CNTNAP3B: variants seen among roughly 807,000 people sequenced by gnomAD.
CNTNAP3B encodes contactin associated protein family member 3B, also known as contactin-associated protein-like 3B.
CNTNAP3B carries 25 observed loss-of-function variants against 108.9 expected under a neutral mutation model. The ratio of observed to expected loss-of-function variants is 0.23; its 90% CI spans 0.17 to 0.32. The LOEUF is 0.32. CNTNAP3B is among the 10% of genes least tolerant of loss of function. The pLI is 1.00. For missense variants in CNTNAP3B, 252 were observed against 1,210.4 expected (o/e 0.21, Z 11.75); for synonymous variants, 103 against 473.4 (o/e 0.22, Z 10.16).
rs1197463777 is a variant in CNTNAP3B at position 42,117,973 on chromosome 9, C to A, written c.85+11037G>T. On this transcript the variant is annotated intron_variant, in intron 1 of 23. Transcript: ENST00000377561. ...CACATACATCCTCCCAAGACTAAACCAGGAAAAAGTTGAATCTCTGAATAG... is the reference window on the plus strand; with the variant it reads ...CACATACATCCTCCCAAGACTAAACAAGGAAAAAGTTGAATCTCTGAATAG... 5.0e-4 allele frequency among the ~76,000 whole-genome samples: 68 copies of A among 136,102 alleles called. 14 individuals are homozygous for A. Among genetic ancestry groups the A allele is most frequent in the African/African-American group, 1.9e-3 (66 of 34,200 alleles). The allele number at this position is 136,102 out of a possible 152,430, so 89.3% of individuals were successfully genotyped here.
rs1430662404 is a variant in CNTNAP3B at position 42,093,110 on chromosome 9, G to T, written c.196+11519C>A. Among the ~76,000 whole-genome samples, 2 of 97,280 alleles carry T rather than the reference G, an allele frequency of 2.1e-5. 1 individual carries two copies. The highest frequency in any genetic ancestry group is 4.4e-5 in the Non-Finnish European group (2 of 45,798). 63.8% of individuals were successfully genotyped at this position (97,280 alleles called of 152,430 possible). A position where few individuals can be genotyped will look rare whatever the true frequency, so the allele number is the denominator to read the frequency against. ...ACCTGTAATCCCAGCACTTTGGGAG[G>T]CCAAGGTGGCCGAGGCGGATCACGA... is the stretch of plus-strand genomic sequence containing the variant. On this transcript the variant is annotated intron_variant, in intron 2 of 23. Transcript: ENST00000377561.
chr9:41,999,600 T>C (rs140403083), intron 4 of CNTNAP3B, among the ~76,000 whole-genome samples: 49,784 of 112,674 alleles, frequency 0.44, 14,056 homozygotes, highest in East Asian at 0.71. Context: ...GTTCTGTTTC[T>C]CTGGAGAGCC....
chr9:42,041,388 C>T (rs987881734), intron 3 of CNTNAP3B, among the ~76,000 whole-genome samples: 1 of 151,598 alleles, frequency 6.6e-6, no homozygotes, highest in African/African-American at 2.4e-5. Flanking sequence ...AACAAATTTA[C>T]AAGAAAGAAT....
At chr9:41,967,454 A>G (rs1260634250) in intron 10 of CNTNAP3B, among the ~76,000 whole-genome samples, 7 of 151,876 alleles carry the variant, frequency 4.6e-5, no homozygotes, top group Non-Finnish European at 8.8e-5. Flanking sequence ...CTGTGAATCC[A>G]TTAAGCCTTT....
At chr9:41,941,260 C>T (rs202199046) in intron 13 of CNTNAP3B, among the ~76,000 whole-genome samples, 7,399 of 104,768 alleles carry the variant, frequency 0.071, 19 homozygotes, top group South Asian at 0.14. Context: ...AAGTTAGATG[C>T]TGGCAGAATC....
intron 2 of CNTNAP3B, among the ~76,000 whole-genome samples, chr9:42,094,642 G>A (rs1587267339): frequency 8.5e-6 from 1 of 118,214 alleles, no homozygotes; most frequent in Non-Finnish European, 1.7e-5. Flanking sequence ...GGGCAACAGA[G>A]CAAGACTGTG....
intron 3 of CNTNAP3B, among the ~76,000 whole-genome samples, chr9:42,030,374 T>A: frequency 3.6e-5 from 1 of 27,708 alleles, no homozygotes; most frequent in Non-Finnish European, 6.3e-5. Context: ...CTGTCTCCCA[T>A]GACACTCAGG....
chr9:41,920,727 G>A (rs1371408115), intron 17 of CNTNAP3B, among the ~76,000 whole-genome samples: 1 of 152,420 alleles, frequency 6.6e-6, no homozygotes, highest in South Asian at 2.1e-4. Context: ...ATAATGGTTA[G>A]GTATGAACTT....
intron 13 of CNTNAP3B, among the ~76,000 whole-genome samples, chr9:41,945,607 G>A (rs1435616482): frequency 6.6e-6 from 1 of 152,304 alleles, no homozygotes; most frequent in Non-Finnish European, 1.5e-5. Flanking sequence ...CACACACCGG[G>A]GCCTGTCATG....
intron 13 of CNTNAP3B, among the ~76,000 whole-genome samples, chr9:41,950,048 C>T (rs937221392): frequency 1.5e-4 from 19 of 123,130 alleles, no homozygotes; most frequent in Admixed American, 3.4e-4. Flanking sequence ...CAAATCCAAA[C>T]AATCCAATTA....
At chr9:42,064,860 G>A (rs1411699072) in intron 3 of CNTNAP3B, among the ~76,000 whole-genome samples, 1 of 147,890 alleles carries the variant, frequency 6.8e-6, no homozygotes, top group African/African-American at 2.6e-5. Flanking sequence ...ATCCACTACT[G>A]ATAAGCACCA....
At chr9:41,932,645 G>C (rs1313195991) in intron 14 of CNTNAP3B, among the ~76,000 whole-genome samples, 1 of 152,050 alleles carries the variant, frequency 6.6e-6, no homozygotes, top group African/African-American at 2.4e-5. Flanking sequence ...TCAGCCTCCA[G>C]AGTAGCTGGG....
At chr9:42,054,115 TTC>T (rs1827011051) in intron 3 of CNTNAP3B, among the ~76,000 whole-genome samples, 1 of 134,132 alleles carries the variant, frequency 7.5e-6, no homozygotes, top group Non-Finnish European at 1.6e-5. Flanking sequence ...TTACCCATTG[TTC>T]AGTCTACTTT....
rs1263643128 is a variant in CNTNAP3B at position 42,095,433 on chromosome 9, G to T, written c.196+9196C>A. 4.3e-5 allele frequency among the ~76,000 whole-genome samples: 6 copies of T among 138,928 alleles called. 2 individuals carry two copies. The highest frequency in any genetic ancestry group is 1.2e-4 in the African/African-American group (4 of 34,688). 91.1% of individuals were successfully genotyped at this position (138,928 alleles called of 152,430 possible). ...CGTGGGGAAAATGTAAAACTCTTTT[G>T]GTGCAAGCATTCTGCATCATGTTTC... On this transcript the variant is annotated intron_variant, in intron 2 of 23. Transcript: ENST00000377561.
At chr9:42,047,783 G>T (rs1441755071) in intron 3 of CNTNAP3B, among the ~76,000 whole-genome samples, 1 of 112,882 alleles carries the variant, frequency 8.9e-6, no homozygotes, top group Non-Finnish European at 1.8e-5. Flanking sequence ...TCCCTCTCTT[G>T]GTTGGTTCTC....
At chr9:41,973,815 C>G (rs1400508271) in intron 9 of CNTNAP3B, among the ~76,000 whole-genome samples, 1 of 133,744 alleles carries the variant, frequency 7.5e-6, no homozygotes, top group Non-Finnish European at 1.6e-5. Context: ...GAAGATAGGT[C>G]TGCATCTGCA....
intron 17 of CNTNAP3B, among the ~76,000 whole-genome samples, chr9:41,920,787 G>C (rs1823645797): frequency 6.6e-6 from 1 of 152,308 alleles, no homozygotes; most frequent in African/African-American, 2.4e-5. Flanking sequence ...TTCTTACTTG[G>C]ATGGACTCTA....
intron 9 of CNTNAP3B, among the ~76,000 whole-genome samples, chr9:41,973,122 T>A (rs573285446): frequency 1.4e-5 from 2 of 142,808 alleles, no homozygotes; most frequent in African/African-American, 2.7e-5. Context: ...TTTTTGTATT[T>A]TTTTTCAGTA....
chr9:42,046,822 C>A, intron 3 of CNTNAP3B, among the ~76,000 whole-genome samples: 1 of 94,932 alleles, frequency 1.1e-5, no homozygotes, highest in African/African-American at 4.0e-5. Context: ...GGGTGGGGGG[C>A]TCTAACTACG....
Sources: allele counts gnomAD v4.1 joint callset (sites outside exome capture counted in the v4.1 genomes callset), GRCh38; gene constraint gnomAD v4.1.1; transcripts MANE v1.5; gene names NCBI Gene and HGNC (gene_info 2026-07-23, HGNC 2026-07-21).